Variants in LRBA observed in about 807,000 individuals in gnomAD.
LRBA encodes the protein lipopolysaccharide-responsive and beige-like anchor protein.
In LRBA, 176 loss-of-function variants were observed where a neutral mutation model predicts 330.0. That is an observed-to-expected ratio of 0.53 (90% CI 0.47 to 0.60). LRBA has a LOEUF of 0.60. Ranked by LOEUF, LRBA falls within the 20% of genes least tolerant of loss-of-function variation. The probability of loss-of-function intolerance (pLI) is 0.00; values close to 1 mark genes in which losing one functional copy is unlikely to be tolerated. For missense variants in LRBA, 3,259 were observed against 3,444.8 expected, an observed-to-expected ratio of 0.95 and a Z score of 1.35; for synonymous variants, 1,230 against 1,193.0, an observed-to-expected ratio of 1.03 and a Z score of -0.64.
chr4:150,893,382 G>A (rs183392147), intron 16 of LRBA, among the ~76,000 whole-genome samples: 7 of 152,126 alleles, frequency 4.6e-5, no homozygotes, highest in Admixed American at 2.6e-4. Flanking sequence ...GCAGAGTCTC[G>A]CTCTCTCACT....
chr4:150,547,494 G>A (rs188170676), intron 40 of LRBA, among the ~76,000 whole-genome samples: 5 of 152,212 alleles, frequency 3.3e-5, no homozygotes, highest in Admixed American at 6.5e-5. Context: ...TGTAGACAGC[G>A]CAAACATCAG....
At chr4:150,793,955 G>A (rs978195024) in intron 34 of LRBA, among the ~76,000 whole-genome samples, 3 of 152,112 alleles carry the variant, frequency 2.0e-5, no homozygotes, top group African/African-American at 7.2e-5. Context: ...AAACCAATTA[G>A]CATATTTATA....
At chr4:150,268,075 A>AAAT (rs34810135) in intron 56 of LRBA, among the ~76,000 whole-genome samples, 4 of 149,196 alleles carry the variant, frequency 2.7e-5, no homozygotes, top group African/African-American at 9.9e-5. Context: ...AAAAAAAAAA[A>AAAT]TGACTCAAAT....
chr4:150,508,242 G>A (rs1348209621), intron 40 of LRBA, among the ~76,000 whole-genome samples: 7 of 25,634 alleles, frequency 2.7e-4, no homozygotes, highest in African/African-American at 8.9e-4. Flanking sequence ...AAAAAAAAAG[G>A]GGGGGGGGGG....
intron 50 of LRBA, among the ~76,000 whole-genome samples, chr4:150,316,856 GC>G (rs1466137941): frequency 6.6e-6 from 1 of 152,140 alleles, no homozygotes; most frequent in East Asian, 1.9e-4. Flanking sequence ...TGGACAAGGG[GC>G]GTTGGGGTTC....
intron 36 of LRBA, among the ~76,000 whole-genome samples, chr4:150,726,401 G>A (rs1464233685): frequency 2.0e-5 from 3 of 152,034 alleles, no homozygotes; most frequent in South Asian, 2.1e-4. Flanking sequence ...AGACAAAGAC[G>A]GTCATTATAT....
At chr4:150,926,906 A>G (rs1263161945) in intron 4 of LRBA, among the ~76,000 whole-genome samples, 1 of 151,838 alleles carries the variant, frequency 6.6e-6, no homozygotes, top group East Asian at 1.9e-4. Flanking sequence ...CCCTGTCTCT[A>G]CTAAAAATAG....
chr4:150,501,123 A>G (rs1007102987), intron 40 of LRBA, among the ~76,000 whole-genome samples: 5 of 152,218 alleles, frequency 3.3e-5, no homozygotes, highest in African/African-American at 1.2e-4. Flanking sequence ...AACTTAAATA[A>G]GACTTTTGGG....
chr4:150,436,950 A>T, intron 44 of LRBA, 86 bp from the exon 45 acceptor site: 1 of 1,201,394 alleles, frequency 8.3e-7, no homozygotes, highest in Non-Finnish European at 1.2e-6. Context: ...TCCTACTGGT[A>T]AGTATAAAAG....
chr4:150,559,806 A>T (rs1767957926), intron 40 of LRBA, among the ~76,000 whole-genome samples: 1 of 72,074 alleles, frequency 1.4e-5, no homozygotes, highest in African/African-American at 5.7e-5. Flanking sequence ...ATAATATGTT[A>T]TATATAATAA....
At chr4:150,489,113 C>T (rs866770405) in intron 41 of LRBA, among the ~76,000 whole-genome samples, 2 of 40,342 alleles carry the variant, frequency 5.0e-5, no homozygotes, top group South Asian at 2.8e-3. Flanking sequence ...TATTATATAT[C>T]ATATATAATA....
intron 31 of LRBA, among the ~76,000 whole-genome samples, chr4:150,812,181 TTCAA>T (rs1183562346): frequency 6.6e-6 from 1 of 152,172 alleles, no homozygotes; most frequent in Non-Finnish European, 1.5e-5. Flanking sequence ...AATATAAACT[TTCAA>T]TCAATTTGTT....
chr4:150,452,626 GA>G (rs35235439), intron 44 of LRBA, among the ~76,000 whole-genome samples: 96 of 137,026 alleles, frequency 7.0e-4, no homozygotes, highest in East Asian at 8.5e-4. Flanking sequence ...CATCTCAAAG[GA>G]AAAAAAAAAA....
At chr4:150,292,705 G>T (rs549149117) in intron 53 of LRBA, among the ~76,000 whole-genome samples, 1 of 152,254 alleles carries the variant, frequency 6.6e-6, no homozygotes, top group African/African-American at 2.4e-5. Flanking sequence ...AAGGAAAGGA[G>T]TAAAACACAG....
intron 15 of LRBA, 21 bp downstream of exon 15, chr4:150,897,718 G>A (rs772189337): frequency 5.0e-5 from 76 of 1,530,918 alleles, no homozygotes; most frequent in Non-Finnish European, 6.7e-5. Flanking sequence ...GTATGCTATG[G>A]AATAAGCAAC....
intron 29 of LRBA, among the ~76,000 whole-genome samples, chr4:150,831,566 T>G (rs751055883): frequency 5.5e-4 from 83 of 152,192 alleles, no homozygotes; most frequent in Non-Finnish European, 9.7e-4. Context: ...CAATAAAATT[T>G]TTCAACTCTT....
intron 36 of LRBA, among the ~76,000 whole-genome samples, chr4:150,688,271 A>T (rs1302433630): frequency 6.6e-6 from 1 of 152,130 alleles, no homozygotes; most frequent in African/African-American, 2.4e-5. Context: ...CTGAAACTGG[A>T]CCCCTTCCTT....
At chr4:150,448,739 T>C (rs1353063732) in intron 44 of LRBA, among the ~76,000 whole-genome samples, 1 of 129,956 alleles carries the variant, frequency 7.7e-6, no homozygotes, top group East Asian at 2.3e-4. Context: ...AAGGCAGAGG[T>C]TGCAGTGAGC....
chr4:150,301,062 T>C (rs1167830650), intron 53 of LRBA, among the ~76,000 whole-genome samples: 1 of 152,050 alleles, frequency 6.6e-6, no homozygotes, highest in Admixed American at 6.6e-5. Context: ...GGTAGATTTA[T>C]TATCAATTTT....
Sources: allele counts gnomAD v4.1 joint callset (sites outside exome capture counted in the v4.1 genomes callset), GRCh38; gene constraint gnomAD v4.1.1; transcripts MANE v1.5; gene names NCBI Gene and HGNC (gene_info 2026-07-23, HGNC 2026-07-21).